The following RAB7A variants were observed in gnomAD, a reference collection of about 807,000 sequenced individuals.
The protein encoded by RAB7A is ras-related protein Rab-7a.
A neutral mutation model predicts 24.5 loss-of-function variants in RAB7A; 2 were observed. The observed-to-expected ratio is 0.08, with a 90% CI of 0.03 to 0.26. The LOEUF is 0.26. Among genes scored for constraint, RAB7A ranks in the 10% least tolerant of loss-of-function variants. RAB7A has a pLI of 1.00. For missense variants in RAB7A, 118 were observed against 255.7 expected (o/e 0.46, Z 3.67); for synonymous variants, 100 against 95.9 (o/e 1.04, Z -0.25).
At chr3:128,751,187 C>T (rs1190297601) in intron 1 of RAB7A, among the ~76,000 whole-genome samples, 2 of 152,214 alleles carry the variant, frequency 1.3e-5, no homozygotes, top group Non-Finnish European at 2.9e-5. Flanking sequence ...AGCCCCCACA[C>T]AGAGCTCTCC....
chr3:128,764,725 A>C, intron 1 of RAB7A: 1 of 799,722 alleles, frequency 1.3e-6, no homozygotes, highest in Non-Finnish European at 2.2e-6. Flanking sequence ...CATTGCATTC[A>C]GCCCACTCTC....
In RAB7A at chr3:128,742,608, C is replaced by T. The variant is rs2070565908; in HGVS notation, c.-9+16249C>T. 2.0e-5 allele frequency among the ~76,000 whole-genome samples: 3 copies of T among 151,994 alleles called. No individual in the cohort carries two copies. In the South Asian group the frequency reaches 6.2e-4, roughly 32 times the overall value. On this transcript the variant is annotated intron_variant, in intron 1 of 5. Transcript: ENST00000265062. ...GTTCTCCAAGTCCCCACTAGATTAG[C>T]TAGACACAGAGCACTGATTGGTGCA...
Position 128,814,703 on chromosome 3 carries a change from TCTC to T in RAB7A, c.*1284_*1286del, listed in dbSNP as rs1176602006. On this transcript the variant is annotated 3_prime_UTR_variant, in exon 6 of 6. Transcript: ENST00000265062. ...ATTGTAGCTTGCTTAACGGAGCACTTCTCCTTTTTCCAAAGGTCTACATTCTAG... is the reference window on the plus strand; with the variant it reads ...ATTGTAGCTTGCTTAACGGAGCACTTCTTTTTCCAAAGGTCTACATTCTAG... 6.5e-5 allele frequency: 10 copies of T among 152,684 alleles called. No individual in the cohort carries two copies. Among genetic ancestry groups the T allele is most frequent in the African/African-American group, 2.2e-4 (9 of 41,460 alleles). The allele number at this position is 152,684 out of a possible 1,614,324, so 9.5% of individuals were successfully genotyped here.
At chr3:128,767,856 C>T (rs73198824) in intron 1 of RAB7A, among the ~76,000 whole-genome samples, 6,302 of 152,214 alleles carry the variant, frequency 0.041, 177 homozygotes, top group Non-Finnish European at 0.058. Flanking sequence ...TGGCCTCTGA[C>T]TATACCTTTT....
intron 1 of RAB7A, among the ~76,000 whole-genome samples, chr3:128,733,269 C>G (rs1001221016): frequency 6.6e-6 from 1 of 152,116 alleles, no homozygotes; most frequent in Non-Finnish European, 1.5e-5. Context: ...CTAATTTTGC[C>G]TGATTTGGAT....
intron 4 of RAB7A, among the ~76,000 whole-genome samples, chr3:128,807,320 A>G (rs1933826350): frequency 6.6e-6 from 1 of 152,200 alleles, no homozygotes; most frequent in African/African-American, 2.4e-5. Flanking sequence ...CTGTAGACCG[A>G]GACAGGCTTT....
Position 128,813,421 on chromosome 3 carries a change from G to A in RAB7A, c.623G>A (p.Ter208=). The stretch of plus-strand genomic sequence containing the variant: ...GCCTCGGCAGAAAGCTGCAGTTGCT[G>A]AGGGGGCAGTGAGAGTTGAGCACAG... ...AKASAESCSC[*] The change falls in exon 6 of 6, where the codon TGA becomes TAA. Residue 208 remains the stop codon, a stop_retained_variant. Transcript: ENST00000265062. 6.2e-7 allele frequency: 1 copy of A among 1,613,926 alleles called. No individual in the cohort carries two copies. Among genetic ancestry groups the A allele is most frequent in the Non-Finnish European group, 8.5e-7 (1 of 1,179,874 alleles).
At chr3:128,762,551 A>T (rs1427262583) in intron 1 of RAB7A, among the ~76,000 whole-genome samples, 1 of 152,168 alleles carries the variant, frequency 6.6e-6, no homozygotes, top group African/African-American at 2.4e-5. Flanking sequence ...CTTAAATCTC[A>T]GTGAGTATTG....
At chr3:128,730,248 T>C (rs920361726) in intron 1 of RAB7A, among the ~76,000 whole-genome samples, 1 of 151,886 alleles carries the variant, frequency 6.6e-6, no homozygotes, top group South Asian at 2.1e-4. Context: ...TTTTTTTTTT[T>C]AGACGGAATC....
Position 128,764,656 on chromosome 3 carries a change from A to T in RAB7A, c.-8-30704A>T, listed in dbSNP as rs2070810704. 4.4e-6 allele frequency: 4 copies of T among 904,884 alleles called. No individual in the cohort carries two copies. The African/African-American group carries it at 6.5e-5, about 15-fold the overall frequency. The allele number at this position is 904,884 out of a possible 1,614,324, so 56.1% of individuals were successfully genotyped here. A position where few individuals can be genotyped will look rare whatever the true frequency, so the allele number is the denominator to read the frequency against. ...ATGGGGGTCATTTTTGTCAGTGGCT[A>T]GTTTGTGCAGTTCCAATAGTGACTG... On this transcript the variant is annotated intron_variant, in intron 1 of 5. Transcript: ENST00000265062.
At chr3:128,771,630 T>G (rs2107600984) in intron 1 of RAB7A, among the ~76,000 whole-genome samples, 1 of 152,338 alleles carries the variant, frequency 6.6e-6, no homozygotes, top group South Asian at 2.1e-4. Context: ...AGGGATTTAG[T>G]AGAAGGCTGA....
At chr3:128,733,496 C>T (rs1256647541) in intron 1 of RAB7A, among the ~76,000 whole-genome samples, 1 of 152,162 alleles carries the variant, frequency 6.6e-6, no homozygotes, top group Non-Finnish European at 1.5e-5. Flanking sequence ...ACAAGTATCA[C>T]AGATAGAGTG....
chr3:128,753,389 T>C (rs964513252), intron 1 of RAB7A, among the ~76,000 whole-genome samples: 2 of 152,112 alleles, frequency 1.3e-5, no homozygotes, highest in Admixed American at 1.3e-4. Flanking sequence ...AATGTAAATA[T>C]ATTTATTACC....
At chr3:128,773,324 C>T (rs868666019) in intron 1 of RAB7A, among the ~76,000 whole-genome samples, 12 of 151,684 alleles carry the variant, frequency 7.9e-5, no homozygotes, top group Admixed American at 1.3e-4. Context: ...GCCCGGCAGC[C>T]GCCCCATCTG....
At chr3:128,811,076 C>T (rs1454178093) in intron 5 of RAB7A, among the ~76,000 whole-genome samples, 2 of 151,870 alleles carry the variant, frequency 1.3e-5, no homozygotes, top group Admixed American at 6.6e-5. Flanking sequence ...CAAAACATTC[C>T]ACCCATGATA....
chr3:128,747,739 C>T (rs2070632110), intron 1 of RAB7A, among the ~76,000 whole-genome samples: 1 of 151,388 alleles, frequency 6.6e-6, no homozygotes. Flanking sequence ...CTGCAGGAAG[C>T]AAAGGATTCT....
rs566864763 is a variant in RAB7A, at chr3:128,765,044, G to A, written c.-8-30316G>A. ...GCAGCAACTAAGGAGAGGTGGCGGC[G>A]GTGGCTGCGCGGCGCTGGAGCGGCG... On this transcript the variant is annotated intron_variant, in intron 1 of 5. Coordinates refer to ENST00000265062, the MANE Select transcript of RAB7A (RefSeq NM_004637.6). 5.4e-5 allele frequency: 71 copies of A among 1,322,118 alleles called. No homozygotes were observed. In the East Asian group the frequency reaches 1.4e-3, roughly 26 times the overall value. The allele number at this position is 1,322,118 out of a possible 1,614,324, so 81.9% of individuals were successfully genotyped here.
chr3:128,811,065 A>C (rs568163620), intron 5 of RAB7A, among the ~76,000 whole-genome samples: 4 of 152,016 alleles, frequency 2.6e-5, no homozygotes, highest in South Asian at 2.1e-4. Context: ...AAAAAAAAAA[A>C]CAAAACATTC....
chr3:128,728,812 C>T (rs2070406083), intron 1 of RAB7A, among the ~76,000 whole-genome samples: 2 of 152,178 alleles, frequency 1.3e-5, no homozygotes, highest in Admixed American at 6.5e-5. Context: ...CATGTCACTA[C>T]TGTAATTACC....
Sources: allele counts gnomAD v4.1 joint callset (sites outside exome capture counted in the v4.1 genomes callset), GRCh38; gene constraint gnomAD v4.1.1; transcripts MANE v1.5; gene names NCBI Gene and HGNC (gene_info 2026-07-23, HGNC 2026-07-21).